DRC8: variants seen among roughly 807,000 people sequenced by gnomAD.
The protein encoded by DRC8 is dynein regulatory complex subunit 8.
the DRC8 span, among the ~76,000 whole-genome samples, chr1:245,036,982 C>T: frequency 6.6e-6 from 1 of 152,206 alleles, no homozygotes; most frequent in Admixed American, 6.5e-5. Context: ...GATGAAAAAG[C>T]AAAACAAACT....
chr1:245,037,480 A>G, the DRC8 span, among the ~76,000 whole-genome samples: 1 of 152,230 alleles, frequency 6.6e-6, no homozygotes, highest in Non-Finnish European at 1.5e-5. Context: ...ATTTCTTAGC[A>G]TAAAATATGT....
the DRC8 span, among the ~76,000 whole-genome samples, chr1:245,006,375 G>C: frequency 0.11 from 16,058 of 151,944 alleles, 949 homozygotes; most frequent in East Asian, 0.24. Context: ...GCAATGGTGC[G>C]ATCTCCACTT....
At chr1:245,023,832 A>C in the DRC8 span, among the ~76,000 whole-genome samples, 132 of 152,144 alleles carry the variant, frequency 8.7e-4, no homozygotes, top group African/African-American at 3.1e-3. Flanking sequence ...ACCATTCTGC[A>C]CTCTGCTTTT....
At chr1:245,027,996 A>T in the DRC8 span, among the ~76,000 whole-genome samples, 1 of 151,688 alleles carries the variant, frequency 6.6e-6, no homozygotes, top group Admixed American at 6.6e-5. Flanking sequence ...GGCTCACACG[A>T]TCCTCCTGCC....
At chr1:245,122,051 A>G in the DRC8 span, 4 of 301,786 alleles carry the variant, frequency 1.3e-5, no homozygotes, top group Non-Finnish European at 2.5e-5. Flanking sequence ...GGCACACACC[A>G]CCACGCCTGG....
At chr1:245,120,400 C>G in the DRC8 span, among the ~76,000 whole-genome samples, 1 of 152,138 alleles carries the variant, frequency 6.6e-6, no homozygotes, top group Non-Finnish European at 1.5e-5. Flanking sequence ...CGTGAATGTG[C>G]CATATTTTAT....
chr1:245,002,347 G>A, the DRC8 span: 1 of 789,646 alleles, frequency 1.3e-6, no homozygotes, highest in African/African-American at 1.7e-5. Context: ...CATCTAGCCA[G>A]ATACTCCCTA....
chr1:245,029,734 T>C, the DRC8 span, among the ~76,000 whole-genome samples: 1 of 151,982 alleles, frequency 6.6e-6, no homozygotes, highest in East Asian at 1.9e-4. Flanking sequence ...TAGCTGGCAT[T>C]ACAGGCAGGA....
the DRC8 span, among the ~76,000 whole-genome samples, chr1:245,057,202 CA>C: frequency 6.6e-6 from 1 of 152,242 alleles, no homozygotes; most frequent in East Asian, 1.9e-4. Context: ...GGTTAGGTTG[CA>C]GTTCACTATA....
chr1:245,087,171 A>G, the DRC8 span: 2 of 1,554,572 alleles, frequency 1.3e-6, no homozygotes, highest in Admixed American at 2.2e-5. Context: ...CTCCATGGCT[A>G]TTAAGCTGGC....
chr1:245,110,199 A>G, the DRC8 span, among the ~76,000 whole-genome samples: 1 of 152,160 alleles, frequency 6.6e-6, no homozygotes, highest in African/African-American at 2.4e-5. Context: ...CCTGGCCAAC[A>G]TGGTGAAACC....
the DRC8 span, among the ~76,000 whole-genome samples, chr1:245,063,884 G>T: frequency 2.0e-5 from 3 of 152,070 alleles, no homozygotes; most frequent in Non-Finnish European, 4.4e-5. Context: ...CACCACACCC[G>T]GCTAATTTTT....
the DRC8 span, among the ~76,000 whole-genome samples, chr1:245,026,926 A>G: frequency 2.0e-5 from 3 of 152,174 alleles, no homozygotes; most frequent in Non-Finnish European, 4.4e-5. Flanking sequence ...AGAAGGGATG[A>G]GGAGTGGAAT....
the DRC8 span, among the ~76,000 whole-genome samples, chr1:245,014,052 CAAAAAAAA>C: frequency 9.0e-6 from 1 of 111,122 alleles, no homozygotes; most frequent in Non-Finnish European, 1.9e-5. Context: ...AAAAAAAAGA[CAAAAAAAA>C]AGAAAAAAAG....
At chr1:244,973,699 A>G in the DRC8 span, among the ~76,000 whole-genome samples, 3 of 152,362 alleles carry the variant, frequency 2.0e-5, no homozygotes, top group East Asian at 5.8e-4. Flanking sequence ...ACCTCATTGT[A>G]GAAATACACA....
chr1:245,030,013 C>G, the DRC8 span, among the ~76,000 whole-genome samples: 1 of 152,198 alleles, frequency 6.6e-6, no homozygotes, highest in South Asian at 2.1e-4. Flanking sequence ...CCTGAGGCCT[C>G]TGGGTGTGTA....
chr1:245,005,234 A>C, the DRC8 span, among the ~76,000 whole-genome samples: 1 of 151,046 alleles, frequency 6.6e-6, no homozygotes, highest in South Asian at 2.1e-4. Flanking sequence ...TTTTCTTCTT[A>C]TGTCTCAGTT....
the DRC8 span, among the ~76,000 whole-genome samples, chr1:245,066,707 AC>A: frequency 6.6e-6 from 1 of 152,166 alleles, no homozygotes; most frequent in African/African-American, 2.4e-5. Flanking sequence ...GGAGACTGAG[AC>A]CATCCTGGCT....
At chr1:245,044,974 G>A in the DRC8 span, among the ~76,000 whole-genome samples, 1 of 151,848 alleles carries the variant, frequency 6.6e-6, no homozygotes, top group Non-Finnish European at 1.5e-5. Flanking sequence ...TTTTAATAAT[G>A]TTAAAAATGG....
Sources: allele counts gnomAD v4.1 joint callset (sites outside exome capture counted in the v4.1 genomes callset), GRCh38; gene constraint gnomAD v4.1.1; transcripts MANE v1.5; gene names NCBI Gene and HGNC (gene_info 2026-07-23, HGNC 2026-07-21).